Variants in DMD observed in about 807,000 individuals in gnomAD.
DMD encodes the protein dystrophin.
Under a neutral mutation model 330.1 loss-of-function variants are expected in DMD, and 63 were observed. The ratio of observed to expected loss-of-function variants is 0.19; its 90% CI spans 0.16 to 0.24. The LOEUF (loss-of-function observed/expected upper bound fraction) is 0.24, where lower values mean the gene tolerates loss of function less well. DMD is among the 10% of genes least tolerant of loss of function. The probability of loss-of-function intolerance (pLI) is 1.00; values close to 1 mark genes in which losing one functional copy is unlikely to be tolerated. For synonymous variants in DMD, 1,223 were observed against 959.8 expected (o/e 1.27, Z -5.07); for missense variants, 3,344 against 2,684.1 (o/e 1.25, Z -5.43).
intron 2 of DMD, among the ~76,000 whole-genome samples, chrX:32,943,838 G>A (rs976617347): frequency 3.6e-5 from 4 of 111,959 alleles, no homozygotes; most frequent in Non-Finnish European, 7.5e-5. Context: ...AAATGAGATC[G>A]AACATTTTTT....
chrX:31,453,765 C>CAAAAAAAAAGAAA (rs2065934756), intron 59 of DMD, among the ~76,000 whole-genome samples: 1 of 8,983 alleles, frequency 1.1e-4, no homozygotes. Flanking sequence ...AAAAAACAAG[C>CAAAAAAAAAGAAA]AAAAAAAAAA....
intron 51 of DMD, among the ~76,000 whole-genome samples, chrX:31,744,682 CATTATTTGT>C (rs1480596246): frequency 8.9e-6 from 1 of 112,024 alleles, no homozygotes; most frequent in Non-Finnish European, 1.9e-5. Flanking sequence ...TATTTGAGGG[CATTATTTGT>C]AATAGTTTGC....
At chrX:32,625,213 A>C (rs1462871156) in intron 11 of DMD, among the ~76,000 whole-genome samples, 2 of 112,170 alleles carry the variant, frequency 1.8e-5, no homozygotes, top group Non-Finnish European at 3.8e-5. Context: ...ATTATTCTTT[A>C]ACCAGTGTTG....
intron 47 of DMD, among the ~76,000 whole-genome samples, chrX:31,917,495 A>G (rs2094624495): frequency 8.9e-6 from 1 of 112,008 alleles, no homozygotes. Context: ...TTTTTGGTGA[A>G]TCAGTGAGTG....
chrX:32,763,256 AC>A (rs1323397227), intron 7 of DMD, among the ~76,000 whole-genome samples: 3 of 112,468 alleles, frequency 2.7e-5, no homozygotes, highest in Non-Finnish European at 5.6e-5. Context: ...CAATCGTTAT[AC>A]TTTTAAATCA....
At chrX:32,719,637 G>T (rs758432719) in intron 7 of DMD, among the ~76,000 whole-genome samples, 1 of 111,762 alleles carries the variant, frequency 8.9e-6, no homozygotes, top group South Asian at 3.7e-4. Context: ...ATATTGTACA[G>T]ATGCACATGA....
chrX:31,948,258 C>T (rs1469629615), intron 45 of DMD, among the ~76,000 whole-genome samples: 1 of 111,890 alleles, frequency 8.9e-6, no homozygotes, highest in Non-Finnish European at 1.9e-5. Context: ...TTTTCTTTAT[C>T]CATGCATTCT....
chrX:32,064,655 T>A (rs1329672703), intron 44 of DMD, among the ~76,000 whole-genome samples: 1 of 111,151 alleles, frequency 9.0e-6, no homozygotes, highest in Admixed American at 9.6e-5. Flanking sequence ...GTTTGTTGTG[T>A]GTATTGTATG....
At chrX:32,844,268 T>C (rs1169098569) in intron 4 of DMD, among the ~76,000 whole-genome samples, 3 of 108,699 alleles carry the variant, frequency 2.8e-5, no homozygotes. Flanking sequence ...TAGCTGGCCA[T>C]AGTGGCATGT....
chrX:32,445,658 G>A (rs1310388300), intron 27 of DMD, among the ~76,000 whole-genome samples: 2 of 110,643 alleles, frequency 1.8e-5, no homozygotes, highest in South Asian at 3.7e-4. Flanking sequence ...AGAGTTGGGT[G>A]TAGTTATTGG....
At chrX:33,225,675 A>G (rs2052273034) in intron 1 of DMD, among the ~76,000 whole-genome samples, 1 of 111,543 alleles carries the variant, frequency 9.0e-6, no homozygotes, top group African/African-American at 3.3e-5. Flanking sequence ...CTTAGATTTG[A>G]CGTTAAAATC....
intron 41 of DMD, among the ~76,000 whole-genome samples, chrX:32,339,032 T>C (rs1310406447): frequency 8.9e-6 from 1 of 112,494 alleles, no homozygotes; most frequent in Non-Finnish European, 1.9e-5. Flanking sequence ...TATGTCTATT[T>C]TCCAATGTTA....
intron 11 of DMD, among the ~76,000 whole-genome samples, chrX:32,624,844 G>C (rs1344928789): frequency 8.9e-6 from 1 of 112,214 alleles, no homozygotes; most frequent in Non-Finnish European, 1.9e-5. Flanking sequence ...GAATTCAATG[G>C]GAATGCCAGC....
Position 31,392,033 on chromosome X carries a change from A to C in DMD, c.9085-43399T>G, listed in dbSNP as rs144730839. Among the ~76,000 whole-genome samples, 623 of 112,147 alleles carry C rather than the reference A, an allele frequency of 5.6e-3. 19 individuals are homozygous for C. Among genetic ancestry groups the C allele is most frequent in the Admixed American group, 0.051 (535 of 10,577 alleles). On this transcript the variant is annotated intron_variant, in intron 60 of 78. Coordinates refer to ENST00000357033, the MANE Select transcript of DMD (RefSeq NM_004006.3). The stretch of plus-strand genomic sequence containing the variant: ...GTGATTATCTATTTCCACACACACA[A>C]AAAAAAGTTTAAAAAGCACTGATAG...
Position 31,288,132 on chromosome X carries a change from A to C in DMD, c.9225-27116T>G, listed in dbSNP as rs908526172. Reference sequence around the variant, plus strand: ...TCAGAGCAGAAGCAACGGTGGAAGCAGAAGAAACAGACAAAAAAAAAGTGG... The same window carrying C: ...TCAGAGCAGAAGCAACGGTGGAAGCCGAAGAAACAGACAAAAAAAAAGTGG... On this transcript the variant is annotated intron_variant, in intron 62 of 78. Coordinates refer to ENST00000357033, the MANE Select transcript of DMD (RefSeq NM_004006.3). 3.6e-5 allele frequency among the ~76,000 whole-genome samples: 4 copies of C among 111,697 alleles called. No individual in the cohort carries two copies. The Admixed American group carries it at 3.8e-4, about 11-fold the overall frequency.
chrX:32,403,811 G>C (rs1603632676), intron 30 of DMD, among the ~76,000 whole-genome samples: 1 of 111,912 alleles, frequency 8.9e-6, no homozygotes, highest in East Asian at 2.8e-4. Flanking sequence ...TTTAATATTT[G>C]AACCCAAATC....
At chrX:32,185,783 C>G (rs1470135113) in intron 44 of DMD, among the ~76,000 whole-genome samples, 1 of 110,162 alleles carries the variant, frequency 9.1e-6, no homozygotes, top group Non-Finnish European at 1.9e-5. Flanking sequence ...AAGTGTATAG[C>G]ATGGAAAAAT....
At chrX:32,678,503 T>C (rs1231435053) in intron 9 of DMD, among the ~76,000 whole-genome samples, 4 of 110,915 alleles carry the variant, frequency 3.6e-5, no homozygotes, top group African/African-American at 1.3e-4. Context: ...CGTGTCCGTG[T>C]GTGTGTGTGT....
At chrX:32,994,123 T>C (rs2093053058) in intron 2 of DMD, among the ~76,000 whole-genome samples, 1 of 109,982 alleles carries the variant, frequency 9.1e-6, no homozygotes, top group Non-Finnish European at 1.9e-5. Flanking sequence ...TTCCTTTCCT[T>C]TAGGTATGGG....
Sources: allele counts gnomAD v4.1 joint callset (sites outside exome capture counted in the v4.1 genomes callset), GRCh38; gene constraint gnomAD v4.1.1; transcripts MANE v1.5; gene names NCBI Gene and HGNC (gene_info 2026-07-23, HGNC 2026-07-21).